TBCD: variants seen among roughly 807,000 people sequenced by gnomAD.
TBCD encodes tubulin-specific chaperone D.
In TBCD, 105 loss-of-function variants were observed where a neutral mutation model predicts 169.3. The observed-to-expected ratio is 0.62, with a 90% CI of 0.53 to 0.73. TBCD has a LOEUF of 0.73. TBCD is among the 30% of genes least tolerant of loss of function. TBCD has a pLI of 0.00. For synonymous variants in TBCD, 700 were observed against 643.9 expected (o/e 1.09, Z -1.32); for missense variants, 1,444 against 1,600.1 (o/e 0.90, Z 1.66).
In TBCD at chr17:82,781,738, G is replaced by T; in HGVS notation, c.771+17G>T. On this transcript the variant is annotated intron_variant, in intron 7 of 38. Coordinates refer to ENST00000355528, the MANE Select transcript of TBCD (RefSeq NM_005993.5). ...CAGGCCCTGGTAAGTGCTGCCCGCA[G>T]GGGCTGTGGAGATCGCAGGGAAATG... 1.2e-6 allele frequency: 2 copies of T among 1,610,940 alleles called. No individual in the cohort carries two copies. The highest frequency in any genetic ancestry group is 1.3e-5 in the African/African-American group (1 of 74,984).
chr17:82,753,080 G>A (rs191467646), intron 1 of TBCD, among the ~76,000 whole-genome samples: 125 of 152,338 alleles, frequency 8.2e-4, no homozygotes, highest in African/African-American at 2.9e-3. Context: ...GTCCTTAGGA[G>A]CTCATAGCTA....
intron 28 of TBCD, chr17:82,926,844 C>T: frequency 2.0e-6 from 1 of 494,570 alleles, no homozygotes; most frequent in African/African-American, 1.9e-5. Context: ...CCTCTCCTCC[C>T]TGCAGGCACA....
intron 2 of TBCD, among the ~76,000 whole-genome samples, chr17:82,758,384 G>GGAAAAAAAAAAAAAAAAAA (rs1555672563): frequency 3.2e-4 from 8 of 24,996 alleles, no homozygotes; most frequent in Admixed American, 7.8e-4. Context: ...AAACGTCTCG[G>GGAAAAAAAAAAAAAAAAAA]AAAAAAAAAA....
At chr17:82,809,849 T>C (rs1041216425) in intron 12 of TBCD, 67 bp downstream of exon 12, 6 of 1,457,332 alleles carry the variant, frequency 4.1e-6, no homozygotes, top group Non-Finnish European at 4.7e-6. Context: ...GCTTTCCTTA[T>C]ATCCTTTCAC....
chr17:82,794,678 TG>T lies in TBCD; in HGVS notation c.772-3077del, dbSNP rs1481121394. On this transcript the variant is annotated intron_variant, in intron 7 of 38. Transcript: ENST00000355528. ...GCCACTGCACACTGCACACTTTCTC[TG>T]GTGAAGATGGCCTTACTTTTCAGTG... Among the ~76,000 whole-genome samples the T allele has an allele frequency of 3.3e-5, 5 of 152,066 alleles. No homozygotes were observed. In the East Asian group the frequency reaches 9.6e-4, roughly 29 times the overall value.
intron 2 of TBCD, among the ~76,000 whole-genome samples, chr17:82,757,050 C>G (rs977368928): frequency 6.6e-6 from 1 of 152,090 alleles, no homozygotes; most frequent in African/African-American, 2.4e-5. Context: ...TCTTTTTCTA[C>G]CTACAAATGT....
chr17:82,895,064 G>A (rs1007913380), intron 17 of TBCD, among the ~76,000 whole-genome samples: 15 of 152,208 alleles, frequency 9.9e-5, no homozygotes, highest in African/African-American at 3.6e-4. Flanking sequence ...TTCCCTTGTT[G>A]CTGAGGTTTC....
Position 82,795,693 on chromosome 17 carries a change from A to G in TBCD, c.772-2064A>G, listed in dbSNP as rs984305892. 6.2e-6 allele frequency: 5 copies of G among 807,172 alleles called. No homozygotes were observed. The Admixed American group carries it at 2.5e-4, about 40-fold the overall frequency. The allele number at this position is 807,172 out of a possible 1,614,324, so 50.0% of individuals were successfully genotyped here. On this transcript the variant is annotated intron_variant, in intron 7 of 38. Transcript: ENST00000355528. Reference sequence around the variant, plus strand: ...CAGTGACAGCCGCACTCTTGCGTGGATCGATTCTGTGGCCTCGCAGGGTGG... The same window carrying G: ...CAGTGACAGCCGCACTCTTGCGTGGGTCGATTCTGTGGCCTCGCAGGGTGG...
In TBCD at chr17:82,832,537, G is replaced by T; in HGVS notation, c.1318+17603G>T. ...GCGTGCACTTCGTGGTTTCTAAAGA[G>T]GCACCTCCCGCTTTGCTTTCTTTCC... is the stretch of plus-strand genomic sequence containing the variant. On this transcript the variant is annotated intron_variant, in intron 13 of 38. Transcript: ENST00000355528. The surrounding 1 kb of genome is among the most constrained non-coding windows in gnomAD (Gnocchi z 4.9). 1 of 1,234,430 alleles carries T rather than the reference G, an allele frequency of 8.1e-7. No individual in the cohort carries two copies. The highest frequency in any genetic ancestry group is 1.2e-6 in the Non-Finnish European group (1 of 853,578). The allele number at this position is 1,234,430 out of a possible 1,614,324, so 76.5% of individuals were successfully genotyped here. A position where few individuals can be genotyped will look rare whatever the true frequency, so the allele number is the denominator to read the frequency against.
intron 2 of TBCD, among the ~76,000 whole-genome samples, chr17:82,757,336 T>A (rs2047455106): frequency 6.6e-6 from 1 of 152,074 alleles, no homozygotes; most frequent in South Asian, 2.1e-4. Flanking sequence ...AATAACAGAT[T>A]TTGGCTGGGG....
Position 82,830,469 on chromosome 17 carries a change from G to C in TBCD, c.1318+15535G>C, listed in dbSNP as rs368809578. 22 of 1,612,748 alleles carry C rather than the reference G, an allele frequency of 1.4e-5. No homozygotes were observed. In the Middle Eastern group the frequency reaches 4.9e-4, roughly 36 times the overall value. The stretch of plus-strand genomic sequence containing the variant: ...CCGCGCATGCGTCTGGAGCCTCCTC[G>C]CCGGGGCCTGTGGGTGGGGCCCCGT... On this transcript the variant is annotated intron_variant, in intron 13 of 38. Transcript: ENST00000355528.
rs112852236 is a variant in TBCD, at chr17:82,884,345, C to T, written c.1533+143C>T. On this transcript the variant is annotated intron_variant, in intron 15 of 38. Transcript: ENST00000355528. This position sits in a 1 kb window ranked among gnomAD's most constrained non-coding sequence, Gnocchi z 4.2. ...AGGGAGCTGCTGAGAGTGCCAGCTG[C>T]GGGCAGGCCACTGGTTCTTACTGTC... The T allele has an allele frequency of 3.4e-4, 261 of 762,966 alleles. No homozygotes were observed. Among genetic ancestry groups the T allele is most frequent in the African/African-American group, 2.1e-3 (121 of 57,720 alleles). The allele number at this position is 762,966 out of a possible 1,614,324, so 47.3% of individuals were successfully genotyped here.
At chr17:82,834,215 T>G (rs2053771211) in intron 13 of TBCD, among the ~76,000 whole-genome samples, 1 of 152,156 alleles carries the variant, frequency 6.6e-6, no homozygotes, top group African/African-American at 2.4e-5. Flanking sequence ...CCCAAAGTGC[T>G]GGGATTAGAG....
chr17:82,815,327 C>T (rs574656474), intron 13 of TBCD, among the ~76,000 whole-genome samples: 4 of 152,320 alleles, frequency 2.6e-5, no homozygotes, highest in South Asian at 2.1e-4. Flanking sequence ...GGGACATTGT[C>T]GCCCCTTAAG....
At chr17:82,801,192 G>C (rs1450035467) in intron 9 of TBCD, among the ~76,000 whole-genome samples, 196 bp downstream of exon 9, 1 of 152,120 alleles carries the variant, frequency 6.6e-6, no homozygotes, top group Non-Finnish European at 1.5e-5. Context: ...GGACACAGTT[G>C]GGGGCACTCT....
intron 1 of TBCD, among the ~76,000 whole-genome samples, chr17:82,755,673 A>C (rs2047366780): frequency 6.6e-6 from 1 of 152,064 alleles, no homozygotes; most frequent in African/African-American, 2.4e-5. Context: ...TTTTCAGGTT[A>C]AGTTTGGAAT....
At position 82,752,109 on chromosome 17, in the gene TBCD, T is replaced by G. The variant is rs2047129421; in HGVS notation, c.-85T>G. The G allele has an allele frequency of 7.4e-7, 1 of 1,346,086 alleles. No homozygotes were observed. The highest frequency in any genetic ancestry group is 9.6e-7 in the Non-Finnish European group (1 of 1,037,928). 83.4% of individuals were successfully genotyped at this position (1,346,086 alleles called of 1,614,324 possible). A position where few individuals can be genotyped will look rare whatever the true frequency, so the allele number is the denominator to read the frequency against. On this transcript the variant is annotated 5_prime_UTR_variant, in exon 1 of 39. Coordinates refer to ENST00000355528, the MANE Select transcript of TBCD (RefSeq NM_005993.5). ...TTAGCGGGCGCCTCCTTTTCATCCC[T>G]CATCCTTCATCCCTGGCTTTCGCGC... is the stretch of plus-strand genomic sequence containing the variant.
In TBCD at chr17:82,766,384, T is replaced by TC. The variant is rs767268298; in HGVS notation, c.435+22dup. 1.0e-3 allele frequency: 1,610 copies of TC among 1,588,622 alleles called. 5 individuals are homozygous for TC. Among genetic ancestry groups the TC allele is most frequent in the Middle Eastern group, 1.3e-3 (8 of 6,024 alleles). On this transcript the variant is annotated intron_variant, in intron 4 of 38. Transcript: ENST00000355528. ...GGACCATGAAGTGAGTGTCTCTGCC[T>TC]CCCCCCTCGTCTCCAGCCCTCCGTG...
rs111406213 is a variant in TBCD at position 82,766,969 on chromosome 17, A to G, written c.435+601A>G. 8.9e-4 allele frequency among the ~76,000 whole-genome samples: 135 copies of G among 152,356 alleles called. 2 individuals carry two copies. The Middle Eastern group carries it at 0.01, about 12-fold the overall frequency. On this transcript the variant is annotated intron_variant, in intron 4 of 38. Transcript: ENST00000355528. ...AGAGCTTTCACTGGGGTCTGGCCAC[A>G]TGGACACCTCTGCCTGGCACGAAAC...
Sources: allele counts gnomAD v4.1 joint callset (sites outside exome capture counted in the v4.1 genomes callset), GRCh38; gene constraint gnomAD v4.1.1; non-coding constraint Gnocchi (gnomAD v3.1); transcripts MANE v1.5; gene names NCBI Gene and HGNC (gene_info 2026-07-23, HGNC 2026-07-21).